Variants in FHIT observed in about 807,000 individuals in gnomAD.
The protein encoded by FHIT is bis(5'-adenosyl)-triphosphatase.
FHIT carries 19 observed loss-of-function variants against 17.9 expected under a neutral mutation model. The observed-to-expected ratio is 1.06, with a 90% CI of 0.74 to 1.56. The LOEUF is 1.56. Among genes scored for constraint, FHIT ranks in the 40% most tolerant of loss-of-function variants. The pLI is 0.00. For missense variants in FHIT, 248 were observed against 189.2 expected, an observed-to-expected ratio of 1.31 and a Z score of -1.82; for synonymous variants, 81 against 69.7, an observed-to-expected ratio of 1.16 and a Z score of -0.81.
chr3:60,703,625 T>C lies in FHIT; in HGVS notation c.-18+118294A>G, dbSNP rs535910129. 2.1e-3 allele frequency among the ~76,000 whole-genome samples: 323 copies of C among 152,306 alleles called. 3 individuals are homozygous for C. Among genetic ancestry groups the C allele is most frequent in the African/African-American group, 7.3e-3 (305 of 41,576 alleles). On this transcript the variant is annotated intron_variant, in intron 4 of 9. Transcript: ENST00000492590. ...GCATAAAATATCTCATTAGTGTTAT[T>C]TATCTCAAGTTTTGATATAACATTT...
chr3:61,016,591 A>G (rs910770144), intron 3 of FHIT, among the ~76,000 whole-genome samples: 1 of 152,218 alleles, frequency 6.6e-6, no homozygotes, highest in Non-Finnish European at 1.5e-5. Flanking sequence ...GTACACCAAC[A>G]CCAGCCTTTG....
chr3:59,808,323 G>T lies in FHIT; in HGVS notation c.349-56002C>A, dbSNP rs991484125. On this transcript the variant is annotated intron_variant, in intron 8 of 9. Coordinates refer to ENST00000492590, the MANE Select transcript of FHIT (RefSeq NM_002012.4). ...CCAAGGCTAGAAGTCCACATGGTAG[G>T]GATATTGCGGAGGGGCCTCTGAACA... 3.9e-5 allele frequency among the ~76,000 whole-genome samples: 6 copies of T among 152,206 alleles called. 1 individual carries two copies. In the East Asian group the frequency reaches 5.8e-4, roughly 15 times the overall value.
At chr3:61,017,553 A>G (rs1297744004) in intron 3 of FHIT, among the ~76,000 whole-genome samples, 2 of 152,168 alleles carry the variant, frequency 1.3e-5, no homozygotes, top group Non-Finnish European at 2.9e-5. Context: ...CATTCACACA[A>G]TTTGTATTCC....
intron 1 of FHIT, among the ~76,000 whole-genome samples, chr3:61,228,865 G>T (rs2040031508): frequency 6.6e-6 from 1 of 152,140 alleles, no homozygotes; most frequent in African/African-American, 2.4e-5. Context: ...CATCAATAAG[G>T]CCATTCCGTT....
intron 1 of FHIT, among the ~76,000 whole-genome samples, chr3:61,201,505 T>C (rs994967337): frequency 6.6e-6 from 1 of 152,206 alleles, no homozygotes; most frequent in Non-Finnish European, 1.5e-5. Context: ...TAGTTGGGGA[T>C]AGACAGCTAC....
At chr3:59,979,344 C>T (rs1251946389) in intron 7 of FHIT, among the ~76,000 whole-genome samples, 1 of 152,130 alleles carries the variant, frequency 6.6e-6, no homozygotes, top group African/African-American at 2.4e-5. Context: ...TATAACTCAG[C>T]ATTGCCCTCA....
intron 7 of FHIT, among the ~76,000 whole-genome samples, chr3:59,930,377 CT>C (rs1374511664): frequency 6.6e-6 from 1 of 152,162 alleles, no homozygotes; most frequent in Non-Finnish European, 1.5e-5. Context: ...CACCTGGAGT[CT>C]CATAATTTGC....
At chr3:59,771,436 T>C (rs1702068720) in intron 8 of FHIT, among the ~76,000 whole-genome samples, 1 of 152,210 alleles carries the variant, frequency 6.6e-6, no homozygotes, top group Non-Finnish European at 1.5e-5. Context: ...AACGGAAAGC[T>C]TGACACCAGA....
At chr3:60,793,729 G>A (rs1402834689) in intron 4 of FHIT, among the ~76,000 whole-genome samples, 2 of 152,186 alleles carry the variant, frequency 1.3e-5, no homozygotes, top group African/African-American at 2.4e-5. Flanking sequence ...TCTGAGGGAC[G>A]TTTTCCCACC....
At chr3:60,312,401 C>G (rs13314418) in intron 5 of FHIT, among the ~76,000 whole-genome samples, 7 of 152,086 alleles carry the variant, frequency 4.6e-5, no homozygotes, top group Admixed American at 3.3e-4. Context: ...CCTTGGCCCC[C>G]CAAAGTGCCA....
chr3:60,634,698 T>C (rs924152443), intron 4 of FHIT, among the ~76,000 whole-genome samples: 5 of 152,144 alleles, frequency 3.3e-5, no homozygotes, highest in African/African-American at 9.7e-5. Flanking sequence ...TTGTGATAAA[T>C]GAGAAAGAGG....
At chr3:60,143,153 T>G (rs1379348219) in intron 5 of FHIT, among the ~76,000 whole-genome samples, 1 of 152,172 alleles carries the variant, frequency 6.6e-6, no homozygotes, top group Non-Finnish European at 1.5e-5. Flanking sequence ...CATAAGGAAC[T>G]AAGGCCATGC....
At chr3:59,778,310 C>A (rs9823629) in intron 8 of FHIT, among the ~76,000 whole-genome samples, 3,642 of 152,222 alleles carry the variant, frequency 0.024, 121 homozygotes, top group East Asian at 0.15. Flanking sequence ...GTGACGCAAA[C>A]TTGTAGGGAG....
intron 4 of FHIT, among the ~76,000 whole-genome samples, chr3:60,660,727 C>CTTTTTTTTTTTTT (rs1220817643): frequency 6.6e-4 from 11 of 16,754 alleles, no homozygotes; most frequent in African/African-American, 1.2e-3. Flanking sequence ...TTTTATTGTG[C>CTTTTTTTTTTTTT]TCTTTTTTTT....
chr3:60,333,980 T>C (rs1710115488), intron 5 of FHIT, among the ~76,000 whole-genome samples: 1 of 378 alleles, frequency 2.6e-3, no homozygotes, highest in Non-Finnish European at 6.4e-3. Context: ...ATTTCTTCTC[T>C]GCCTACATAA....
intron 5 of FHIT, among the ~76,000 whole-genome samples, chr3:60,027,239 G>GC (rs1700790890): frequency 6.6e-6 from 1 of 150,724 alleles, no homozygotes; most frequent in Non-Finnish European, 1.5e-5. Context: ...GTATATAACT[G>GC]AAAAAAAATA....
intron 9 of FHIT, chr3:59,750,824 AGAATACAAT>A (rs1223922362): frequency 3.4e-5 from 7 of 207,856 alleles, no homozygotes; most frequent in South Asian, 1.9e-4. Context: ...AGGTGAAATC[AGAATACAAT>A]GAATGTGTTT....
chr3:60,400,398 G>C (rs773353711), intron 5 of FHIT, among the ~76,000 whole-genome samples: 2 of 152,128 alleles, frequency 1.3e-5, no homozygotes, highest in Non-Finnish European at 2.9e-5. Flanking sequence ...GGCCAAGTTC[G>C]TGGCATCAGA....
At chr3:61,200,191 A>C (rs1414836607) in intron 2 of FHIT, among the ~76,000 whole-genome samples, 4 of 152,200 alleles carry the variant, frequency 2.6e-5, no homozygotes, top group Non-Finnish European at 4.4e-5. Context: ...CAACTGCACA[A>C]CTGACTTTCA....
Sources: gnomAD v4.1 joint callset for allele counts (sites outside exome capture counted in the v4.1 genomes callset) on GRCh38, gnomAD v4.1.1 for gene constraint, MANE v1.5 for transcripts, NCBI Gene and HGNC (gene_info 2026-07-23, HGNC 2026-07-21) for gene names.